Variants in GDF5 observed in about 807,000 individuals in gnomAD.
GDF5 encodes the protein growth/differentiation factor 5.
A neutral mutation model predicts 34.6 loss-of-function variants in GDF5; 17 were observed. The observed-to-expected ratio is 0.49, with a 90% CI of 0.34 to 0.74. GDF5 has a LOEUF of 0.74. GDF5 is among the 30% of genes least tolerant of loss of function. The pLI is 0.01. For synonymous variants in GDF5, 332 were observed against 290.7 expected (o/e 1.14, Z -1.44); for missense variants, 616 against 661.2 (o/e 0.93, Z 0.75).
chr20:35,440,908 C>T (rs1417380031), upstream of GDF5, among the ~76,000 whole-genome samples: 1 of 152,210 alleles, frequency 6.6e-6, no homozygotes, highest in African/African-American at 2.4e-5. Flanking sequence ...TAATCTCTAA[C>T]TGGCCCTTAT....
rs756745099 is a variant in GDF5, at chr20:35,437,805, A to G, written c.124T>C (p.Leu42=). Residue 42 remains leucine, a synonymous_variant, in exon 1 of 2, where the codon TTG becomes CTG. Transcript: ENST00000374369. ...CTCTCCTTGGCCTCTGCTTTGGCCAATCCTGGCCTGGTCCCCTGGGGTCTC... is the reference window on the plus strand; with the variant it reads ...CTCTCCTTGGCCTCTGCTTTGGCCAGTCCTGGCCTGGTCCCCTGGGGTCTC... The part of the protein sequence containing the change: ...GQRPQGTRPG[L]AKAEAKERPP... The G allele has an allele frequency of 1.2e-5, 19 of 1,613,496 alleles. No individual in the cohort carries two copies. The highest frequency in any genetic ancestry group is 1.3e-5 in the African/African-American group (1 of 75,012).
At chr20:35,446,210 T>G (rs1301609974) in intron 1 of GDF5, among the ~76,000 whole-genome samples, 1 of 150,596 alleles carries the variant, frequency 6.6e-6, no homozygotes, top group African/African-American at 2.4e-5. Context: ...TTTGGGAGTC[T>G]GAGGAAGGAG....
chr20:35,438,061 G>C lies in GDF5; in HGVS notation c.-133C>G, dbSNP rs2075228063. On this transcript the variant is annotated 5_prime_UTR_variant, in exon 1 of 2. Coordinates refer to ENST00000374369, the MANE Select transcript of GDF5 (RefSeq NM_000557.5). ...CAGCAGCAGTAGCAGCAGAAGGAAAGGCTTTCTCCTCAGTCTGAGACTCTT... is the reference window on the plus strand; with the variant it reads ...CAGCAGCAGTAGCAGCAGAAGGAAACGCTTTCTCCTCAGTCTGAGACTCTT... 3.0e-6 allele frequency: 3 copies of C among 1,004,820 alleles called. No individual in the cohort carries two copies. Among genetic ancestry groups the C allele is most frequent in the Non-Finnish European group, 4.6e-6 (3 of 657,206 alleles). 62.2% of individuals were successfully genotyped at this position (1,004,820 alleles called of 1,614,324 possible).
Position 35,434,504 on chromosome 20 carries a change from T to C in GDF5, c.911A>G (p.Lys304Arg). The C allele has an allele frequency of 6.2e-7, 1 of 1,607,782 alleles. No homozygotes were observed. The highest frequency in any genetic ancestry group is 8.5e-7 in the Non-Finnish European group (1 of 1,176,516). The change falls in exon 2 of 2, where the codon AAG becomes AGG. Residue 304 changes from lysine to arginine, a missense_variant. By Grantham distance (26) the Lys-to-Arg change is conservative. Coordinates refer to ENST00000374369, the MANE Select transcript of GDF5 (RefSeq NM_000557.5). Reference protein sequence around the residue: ...FDIWKLFRNFKNSAQLCLELE... With the variant: ...FDIWKLFRNFRNSAQLCLELE... ...CTCCAGGCACAGCTGGGCCGAGTTC[T>C]TAAAGTTTCGGAAGAGCTTCCAGAT... is the stretch of plus-strand genomic sequence containing the variant.
chr20:35,449,281 A>AT (rs11481611), intron 1 of GDF5, among the ~76,000 whole-genome samples: 11,949 of 148,706 alleles, frequency 0.08, 579 homozygotes, highest in African/African-American at 0.15. Context: ...TCTGCTTAGC[A>AT]TTTTTTTTTT....
chr20:35,445,017 A>T (rs2062509409), intron 1 of GDF5, among the ~76,000 whole-genome samples: 1 of 152,176 alleles, frequency 6.6e-6, no homozygotes, highest in South Asian at 2.1e-4. Context: ...TACAGGTGTG[A>T]GCCACCGTGC....
At chr20:35,447,154 T>G (rs2062516672) in intron 1 of GDF5, among the ~76,000 whole-genome samples, 1 of 152,060 alleles carries the variant, frequency 6.6e-6, no homozygotes, top group Non-Finnish European at 1.5e-5. Context: ...GCTGCACCCA[T>G]TAACTCGTCA....
At chr20:35,441,202 A>T (rs1370257877), upstream of GDF5, 1 of 151,922 alleles carries the variant, frequency 6.6e-6, no homozygotes, top group Non-Finnish European at 1.5e-5. Flanking sequence ...CCCCTCTGAA[A>T]CTCTAAACAG....
intron 1 of GDF5, chr20:35,454,007 A>C: frequency 1.9e-6 from 1 of 534,354 alleles, no homozygotes; most frequent in Non-Finnish European, 3.8e-6. Flanking sequence ...AGATTCCTGG[A>C]CTCCACCCCC....
At chr20:35,435,139 G>A in intron 1 of GDF5, 1 of 572,212 alleles carries the variant, frequency 1.7e-6, no homozygotes, top group Non-Finnish European at 3.2e-6. Flanking sequence ...TTGTGAGATA[G>A]GTGGAGTGAG....
At chr20:35,450,353 G>A (rs532908570) in intron 1 of GDF5, among the ~76,000 whole-genome samples, 3 of 151,726 alleles carry the variant, frequency 2.0e-5, no homozygotes, top group East Asian at 1.9e-4. Flanking sequence ...AGAGACTATC[G>A]TTTTGGTGCT....
At position 35,437,383 on chromosome 20, in the gene GDF5, A is replaced by T; in HGVS notation, c.546T>A (p.Asp182Glu). ...TGCTGTTGCCTCCCTTTCTGTCAGC[A>T]TCGGACAGCGTCCTGTACAGCGAGA... ...YMLSLYRTLSDADRKGGNSSV... is the reference protein window; with the variant it reads ...YMLSLYRTLSEADRKGGNSSV... Residue 182 changes from aspartate to glutamate, a missense_variant, in exon 1 of 2, where the codon GAT becomes GAA. By Grantham distance (45) the Asp-to-Glu change is conservative. Transcript: ENST00000374369. The T allele has an allele frequency of 6.2e-7, 1 of 1,612,898 alleles. No homozygotes were observed. Among genetic ancestry groups the T allele is most frequent in the Non-Finnish European group, 8.5e-7 (1 of 1,179,014 alleles).
rs1263836367 is a variant in GDF5 at position 35,438,020 on chromosome 20, C to T, written c.-92G>A. ...CAGGAAAAACCATGAAAGGAGTGGA[C>T]TTTCAAAAGCAGCGGCAGCAGCAGT... On this transcript the variant is annotated 5_prime_UTR_variant, in exon 1 of 2. Coordinates refer to ENST00000374369, the MANE Select transcript of GDF5 (RefSeq NM_000557.5). 1.4e-6 allele frequency: 2 copies of T among 1,446,896 alleles called. No homozygotes were observed. Among genetic ancestry groups the T allele is most frequent in the Middle Eastern group, 2.2e-4 (1 of 4,518 alleles). The allele number at this position is 1,446,896 out of a possible 1,614,324, so 89.6% of individuals were successfully genotyped here. A position where few individuals can be genotyped will look rare whatever the true frequency, so the allele number is the denominator to read the frequency against.
Position 35,434,141 on chromosome 20 carries a change from T to G in GDF5, c.1274A>C (p.Glu425Ala). 1.2e-6 allele frequency: 2 copies of G among 1,614,148 alleles called. No homozygotes were observed. Among genetic ancestry groups the G allele is most frequent in the Non-Finnish European group, 1.7e-6 (2 of 1,180,024 alleles). ...GCACAGCCCCTCGCAGTGGAAAGCC[T>G]CGTACTCAAGGGGTGCGATGATCCA... ...DDWIIAPLEYEAFHCEGLCEF... is the reference protein window; with the variant it reads ...DDWIIAPLEYAAFHCEGLCEF... Residue 425 changes from glutamate to alanine, a missense_variant, in exon 2 of 2, where the codon GAG (glutamate) becomes GCG (alanine). Physicochemically the swap from Glu to Ala is moderately radical, Grantham distance 107. Coordinates refer to ENST00000374369, the MANE Select transcript of GDF5 (RefSeq NM_000557.5).
chr20:35,437,473 G>C lies in GDF5; in HGVS notation c.456C>G (p.Pro152=). 1 of 1,614,068 alleles carries C rather than the reference G, an allele frequency of 6.2e-7. No individual in the cohort carries two copies. The highest frequency in any genetic ancestry group is 8.5e-7 in the Non-Finnish European group (1 of 1,179,978). Residue 152 remains proline, a synonymous_variant, in exon 1 of 2, where the codon CCC becomes CCG. Transcript: ENST00000374369. ...GCTCCTTGGGCTCTCGTGGGGGCCC[G>C]GGCTCCCTGGCCTTCTTCAGCAGGA... ...SSFLLKKARE[P]GPPREPKEPF...
chr20:35,442,784 G>A (rs188833927), upstream of GDF5, among the ~76,000 whole-genome samples: 880 of 151,920 alleles, frequency 5.8e-3, 3 homozygotes, highest in Non-Finnish European at 9.4e-3. Context: ...GACCTCAAGT[G>A]ATCTGCCCAC....
At chr20:35,438,838 T>TGTGTGTGTGA (rs2062487078), upstream of GDF5, among the ~76,000 whole-genome samples, 1 of 24,168 alleles carries the variant, frequency 4.1e-5, no homozygotes, top group Non-Finnish European at 1.4e-4. Context: ...TGTGTGTGTG[T>TGTGTGTGTGA]GTGTGTGTGT....
chr20:35,437,734 A>C lies in GDF5; in HGVS notation c.195T>G (p.Tyr65Ter). 6.2e-7 allele frequency: 1 copy of C among 1,613,462 alleles called. No homozygotes were observed. The highest frequency in any genetic ancestry group is 8.5e-7 in the Non-Finnish European group (1 of 1,179,722). The change falls in exon 1 of 2, where the codon TAT becomes TAG. Residue 65 changes from tyrosine to a stop codon, truncating the protein, a stop_gained. Transcript: ENST00000374369. LOFTEE classifies it high-confidence loss of function. ...RNVFRPGGHS[Y>*]GGGATNANAR... ...CATTGGCATTGGTGGCCCCCCCACC[A>C]TAGCTGTGACCCCCTGGCCTGAAGA... is the stretch of plus-strand genomic sequence containing the variant.
intron 1 of GDF5, among the ~76,000 whole-genome samples, chr20:35,443,478 A>G (rs2062504633): frequency 6.6e-6 from 1 of 151,362 alleles, no homozygotes; most frequent in Admixed American, 6.6e-5. Context: ...TCCATAAACC[A>G]TCCTTATAAA....
Sources: allele counts gnomAD v4.1 joint callset (sites outside exome capture counted in the v4.1 genomes callset), GRCh38; gene constraint gnomAD v4.1.1; transcripts MANE v1.5; gene names NCBI Gene and HGNC (gene_info 2026-07-23, HGNC 2026-07-21).